Variants in RBFOX1 observed in about 807,000 individuals in gnomAD.
The protein encoded by RBFOX1 is RNA binding protein fox-1 homolog 1.
RBFOX1 carries 8 observed loss-of-function variants against 57.7 expected under a neutral mutation model. The observed-to-expected ratio is 0.14, with a 90% confidence interval of 0.08 to 0.25. RBFOX1 has a LOEUF of 0.25. Among genes scored for constraint, RBFOX1 ranks in the 10% least tolerant of loss-of-function variants. The probability of loss-of-function intolerance (pLI) is 1.00; values close to 1 mark genes in which losing one functional copy is unlikely to be tolerated. For missense variants in RBFOX1, 611 were observed against 548.5 expected, an observed-to-expected ratio of 1.11 and a Z score of -1.14; for synonymous variants, 326 against 222.4, an observed-to-expected ratio of 1.47 and a Z score of -4.15.
At position 6,914,462 on chromosome 16, in the gene RBFOX1, A is replaced by T. The variant is rs192618850; in HGVS notation, c.-15-137595A>T. Among the ~76,000 whole-genome samples the T allele has an allele frequency of 2.6e-5, 4 of 152,222 alleles. No homozygotes were observed. The South Asian group carries it at 6.2e-4, about 24-fold the overall frequency. ...AGGAGGTACTTTTGCATTAATAAGA[A>T]CACAGACCTAGGTGTCTCACCTCCA... On this transcript the variant is annotated intron_variant, in intron 3 of 15. Transcript: ENST00000550418.
At chr16:6,476,539 T>A (rs1184268189) in intron 2 of RBFOX1, among the ~76,000 whole-genome samples, 2 of 152,234 alleles carry the variant, frequency 1.3e-5, no homozygotes, top group African/African-American at 4.8e-5. Flanking sequence ...CATACCTTAA[T>A]TTAAAAAGAC....
chr16:5,652,989 C>T (rs1239312830), intron 3 of RBFOX1, among the ~76,000 whole-genome samples: 1 of 152,188 alleles, frequency 6.6e-6, no homozygotes, highest in Non-Finnish European at 1.5e-5. Context: ...TGCTGAGCTG[C>T]TGTGCAGAAG....
chr16:6,417,420 T>TG (rs1285172203), intron 2 of RBFOX1, among the ~76,000 whole-genome samples: 3 of 148,406 alleles, frequency 2.0e-5, no homozygotes, highest in Non-Finnish European at 4.5e-5. Flanking sequence ...TACTTTTTTT[T>TG]TTTTTTTTTT....
At chr16:7,603,709 G>A (rs771520779) in intron 9 of RBFOX1, among the ~76,000 whole-genome samples, 1 of 152,188 alleles carries the variant, frequency 6.6e-6, no homozygotes, top group African/African-American at 2.4e-5. Context: ...CAGTGTCACT[G>A]TAGCTGGGAG....
chr16:5,679,797 C>T (rs1264375220), intron 3 of RBFOX1, among the ~76,000 whole-genome samples: 1 of 152,180 alleles, frequency 6.6e-6, no homozygotes, highest in African/African-American at 2.4e-5. Flanking sequence ...ATTGCATAAG[C>T]TCCTTCTCTC....
At chr16:7,284,733 G>C (rs529427988) in intron 4 of RBFOX1, among the ~76,000 whole-genome samples, 1 of 152,096 alleles carries the variant, frequency 6.6e-6, no homozygotes, top group Non-Finnish European at 1.5e-5. Context: ...GCGACCTCAC[G>C]GTTTATCTGT....
At position 6,136,949 on chromosome 16, in the gene RBFOX1, C is replaced by T. The variant is rs577620386; in HGVS notation, c.-127+116957C>T. ...CAATTTACCAAGCAGTGGAGGATAA[C>T]GAACCATAAAGTTTAATTTGCCTTT... On this transcript the variant is annotated intron_variant, in intron 1 of 15. Coordinates refer to ENST00000550418, the MANE Select transcript of RBFOX1 (RefSeq NM_018723.4). Among the ~76,000 whole-genome samples the T allele has an allele frequency of 3.9e-5, 6 of 152,254 alleles. 1 individual carries two copies. The highest frequency in any genetic ancestry group is 4.1e-4 in the South Asian group (2 of 4,828).
chr16:7,398,254 G>C (rs2098175593), intron 4 of RBFOX1, among the ~76,000 whole-genome samples: 2 of 152,144 alleles, frequency 1.3e-5, no homozygotes, highest in Admixed American at 6.6e-5. Context: ...AGGAGCATAG[G>C]GTTGAATCTT....
intron 2 of RBFOX1, among the ~76,000 whole-genome samples, chr16:6,538,013 A>G (rs903799106): frequency 1.3e-5 from 2 of 151,738 alleles, no homozygotes; most frequent in African/African-American, 4.8e-5. Flanking sequence ...TTCTACTTTC[A>G]AACTTTTTTA....
At chr16:6,756,743 A>AG (rs954000483) in intron 3 of RBFOX1, among the ~76,000 whole-genome samples, 5 of 152,058 alleles carry the variant, frequency 3.3e-5, no homozygotes, top group East Asian at 1.9e-4. Context: ...AGGCTGAGGC[A>AG]GGGGGGTCAT....
chr16:6,966,632 G>A (rs1006559862), intron 3 of RBFOX1, among the ~76,000 whole-genome samples: 3 of 152,144 alleles, frequency 2.0e-5, no homozygotes, highest in South Asian at 2.1e-4. Flanking sequence ...CAGAGCAAGA[G>A]GCAAGGTGGA....
At chr16:7,171,976 G>A (rs1419266441) in intron 4 of RBFOX1, among the ~76,000 whole-genome samples, 1 of 152,168 alleles carries the variant, frequency 6.6e-6, no homozygotes, top group Admixed American at 6.5e-5. Flanking sequence ...CCTGGAAGCT[G>A]TGTAGTATAG....
intron 2 of RBFOX1, among the ~76,000 whole-genome samples, chr16:6,570,754 G>A (rs113699308): frequency 3.4e-4 from 52 of 152,088 alleles, no homozygotes; most frequent in African/African-American, 1.1e-3. Context: ...TGTGCCATGT[G>A]GCATTTGTTT....
chr16:6,628,714 C>T (rs73542169), intron 2 of RBFOX1, among the ~76,000 whole-genome samples: 2 of 152,032 alleles, frequency 1.3e-5, no homozygotes, highest in East Asian at 1.9e-4. Context: ...TTGAAGGGAC[C>T]GTTTGATGAG....
intron 3 of RBFOX1, among the ~76,000 whole-genome samples, chr16:5,726,559 T>C (rs1205765384): frequency 6.6e-6 from 1 of 152,172 alleles, no homozygotes; most frequent in Non-Finnish European, 1.5e-5. Context: ...TCCTTGTCCA[T>C]AGCCTGGAGT....
At chr16:6,578,896 G>C (rs1257702269) in intron 2 of RBFOX1, among the ~76,000 whole-genome samples, 1 of 151,924 alleles carries the variant, frequency 6.6e-6, no homozygotes, top group African/African-American at 2.4e-5. Flanking sequence ...GGAAAGGGTG[G>C]GAGTGGGGTG....
At chr16:6,203,615 A>T (rs529152390) in intron 1 of RBFOX1, among the ~76,000 whole-genome samples, 1 of 152,150 alleles carries the variant, frequency 6.6e-6, no homozygotes, top group Non-Finnish European at 1.5e-5. Context: ...TGGGAATGCA[A>T]TCAAAACCAC....
intron 3 of RBFOX1, among the ~76,000 whole-genome samples, chr16:6,683,446 T>C (rs1292882072): frequency 2.0e-5 from 3 of 152,178 alleles, no homozygotes; most frequent in African/African-American, 7.2e-5. Context: ...ATCTATGTCT[T>C]TCAAATGGTT....
intron 1 of RBFOX1, among the ~76,000 whole-genome samples, chr16:6,161,152 G>C (rs905241708): frequency 6.6e-6 from 1 of 152,250 alleles, no homozygotes; most frequent in South Asian, 2.1e-4. Flanking sequence ...ACTTGGGGAG[G>C]CCGAGGCGGG....
Sources: allele counts gnomAD v4.1 joint callset (sites outside exome capture counted in the v4.1 genomes callset), GRCh38; gene constraint gnomAD v4.1.1; transcripts MANE v1.5; gene names NCBI Gene and HGNC (gene_info 2026-07-23, HGNC 2026-07-21).